Variants in PTPN13 observed in about 807,000 individuals in gnomAD.
PTPN13 encodes protein tyrosine phosphatase non-receptor type 13.
Under a neutral mutation model 284.0 loss-of-function variants are expected in PTPN13, and 191 were observed. The observed-to-expected ratio is 0.67, with a 90% CI of 0.60 to 0.76. PTPN13 has a LOEUF of 0.76. Among genes scored for constraint, PTPN13 ranks in the 30% least tolerant of loss-of-function variants. PTPN13 has a pLI of 0.00. For missense variants in PTPN13, 2,797 were observed against 2,939.9 expected (o/e 0.95, Z 1.12); for synonymous variants, 986 against 1,022.3 (o/e 0.96, Z 0.68).
At chr4:86,689,221 CAT>C in intron 5 of PTPN13, 31 bp downstream of exon 5, 1 of 1,570,046 alleles carries the variant, frequency 6.4e-7, no homozygotes, top group Non-Finnish European at 8.7e-7. Flanking sequence ...TAAATATAGT[CAT>C]ATTTTAAAAT....
chr4:86,714,712 T>C (rs1294251171), intron 7 of PTPN13, among the ~76,000 whole-genome samples: 1 of 152,208 alleles, frequency 6.6e-6, no homozygotes, highest in Non-Finnish European at 1.5e-5. Context: ...AGGTCACCAA[T>C]GACCTTTATA....
At chr4:86,690,507 T>C (rs2148963983) in intron 5 of PTPN13, among the ~76,000 whole-genome samples, 1 of 152,192 alleles carries the variant, frequency 6.6e-6, no homozygotes, top group South Asian at 2.1e-4. Flanking sequence ...TCCCAAACTT[T>C]CTTGGTCTTG....
chr4:86,767,753 C>T (rs1334343217), intron 27 of PTPN13, 64 bp from the exon 28 acceptor site: 34 of 1,307,584 alleles, frequency 2.6e-5, no homozygotes, highest in Non-Finnish European at 3.0e-5. Flanking sequence ...ATACAAAGTC[C>T]TGAAAATGTA....
At position 86,740,728 on chromosome 4, in the gene PTPN13, A is replaced by G. The variant is rs147142995; in HGVS notation, c.2305-906A>G. ...TCTTTCTATCACATTGTCAGGCTGC[A>G]CATTTTCCAAACTGTTATGCCCTGT... is the stretch of plus-strand genomic sequence containing the variant. On this transcript the variant is annotated intron_variant, in intron 15 of 47. Coordinates refer to ENST00000411767, the MANE Select transcript of PTPN13 (RefSeq NM_080683.3). 2.4e-4 allele frequency among the ~76,000 whole-genome samples: 37 copies of G among 152,284 alleles called. No homozygotes were observed. In the South Asian group the frequency reaches 5.2e-3, roughly 21 times the overall value.
chr4:86,652,439 C>T (rs999299580), intron 2 of PTPN13, among the ~76,000 whole-genome samples: 4 of 152,052 alleles, frequency 2.6e-5, no homozygotes, highest in Non-Finnish European at 5.9e-5. Context: ...TTTTGTAAGG[C>T]ACATCTAGTG....
rs768663734 is a variant in PTPN13, at chr4:86,814,420, A to T, written c.7363-36A>T. 34 of 1,331,082 alleles carry T rather than the reference A, an allele frequency of 2.6e-5. No homozygotes were observed. In the East Asian group the frequency reaches 7.4e-4, roughly 29 times the overall value. 82.5% of individuals were successfully genotyped at this position (1,331,082 alleles called of 1,614,324 possible). On this transcript the variant is annotated intron_variant, in intron 47 of 47. Coordinates refer to ENST00000411767, the MANE Select transcript of PTPN13 (RefSeq NM_080683.3). ...TATATATATAATATTTACATTATAC[A>T]TCTAAAGTATTCTATCTCACTTTTT...
chr4:86,680,359 A>G (rs1200079923), intron 3 of PTPN13, among the ~76,000 whole-genome samples: 3 of 148,532 alleles, frequency 2.0e-5, no homozygotes, highest in African/African-American at 7.4e-5. Context: ...CTATCTATCT[A>G]TCTATCTATC....
At chr4:86,674,838 A>G (rs1467694227) in intron 3 of PTPN13, among the ~76,000 whole-genome samples, 1 of 152,200 alleles carries the variant, frequency 6.6e-6, no homozygotes, top group East Asian at 1.9e-4. Context: ...ATACATATAT[A>G]GTTATTCATT....
At chr4:86,794,880 C>T (rs1017385473) in intron 40 of PTPN13, among the ~76,000 whole-genome samples, 4 of 152,106 alleles carry the variant, frequency 2.6e-5, no homozygotes, top group Non-Finnish European at 5.9e-5. Context: ...TTGCTTATGC[C>T]GTATACAAAA....
chr4:86,595,312 A>G (rs532175942), intron 1 of PTPN13, among the ~76,000 whole-genome samples: 1 of 151,976 alleles, frequency 6.6e-6, no homozygotes, highest in African/African-American at 2.4e-5. Context: ...AGGGAGAGAC[A>G]CTGTCTGATG....
At chr4:86,803,878 A>G in intron 43 of PTPN13, 21 bp downstream of exon 43, 3 of 1,611,170 alleles carry the variant, frequency 1.9e-6, no homozygotes, top group African/African-American at 1.3e-5. Flanking sequence ...TCTGCCAATG[A>G]TTCTCTCCCA....
intron 3 of PTPN13, among the ~76,000 whole-genome samples, chr4:86,682,497 A>T (rs1176270090): frequency 1.3e-5 from 2 of 151,916 alleles, no homozygotes; most frequent in East Asian, 3.9e-4. Context: ...TTAATAAAAG[A>T]TTTAATAATC....
At chr4:86,773,316 G>A (rs558030669) in intron 32 of PTPN13, among the ~76,000 whole-genome samples, 1 of 152,282 alleles carries the variant, frequency 6.6e-6, no homozygotes, top group African/African-American at 2.4e-5. Flanking sequence ...TATAGTATCT[G>A]CTACAGAGTA....
intron 17 of PTPN13, among the ~76,000 whole-genome samples, chr4:86,745,389 T>C (rs750258528): frequency 6.6e-6 from 1 of 152,206 alleles, no homozygotes; most frequent in Non-Finnish European, 1.5e-5. Context: ...GTAAACATTA[T>C]AAACATTTGG....
intron 10 of PTPN13, among the ~76,000 whole-genome samples, chr4:86,726,305 CT>C (rs1565423631): frequency 6.7e-6 from 1 of 149,398 alleles, no homozygotes; most frequent in South Asian, 2.1e-4. Context: ...TATGTGGGCT[CT>C]TTTTTGGTTC....
chr4:86,806,013 C>T (rs561939296), intron 44 of PTPN13, among the ~76,000 whole-genome samples: 9 of 151,820 alleles, frequency 5.9e-5, no homozygotes, highest in African/African-American at 1.7e-4. Context: ...AGAAATTAGC[C>T]GAGAGTGGTG....
chr4:86,761,207 GT>G (rs1296336672), intron 23 of PTPN13, among the ~76,000 whole-genome samples: 1 of 142,238 alleles, frequency 7.0e-6, no homozygotes, highest in East Asian at 2.1e-4. Context: ...TTAAAAATCT[GT>G]TTTATACTCT....
chr4:86,660,007 G>A (rs908997861), intron 2 of PTPN13, among the ~76,000 whole-genome samples: 3 of 152,070 alleles, frequency 2.0e-5, no homozygotes, highest in Non-Finnish European at 2.9e-5. Context: ...CAAGAAGAAG[G>A]AAATATAACC....
chr4:86,795,981 C>A (rs10009119), intron 40 of PTPN13, among the ~76,000 whole-genome samples: 15,128 of 152,062 alleles, frequency 0.099, 868 homozygotes, highest in Non-Finnish European at 0.11. Flanking sequence ...AGGCACATGT[C>A]TACCTACATA....
Sources: allele counts gnomAD v4.1 joint callset (sites outside exome capture counted in the v4.1 genomes callset), GRCh38; gene constraint gnomAD v4.1.1; transcripts MANE v1.5; gene names NCBI Gene and HGNC (gene_info 2026-07-23, HGNC 2026-07-21).